CARD8: variants seen among roughly 807,000 people sequenced by gnomAD.
The protein encoded by CARD8 is caspase recruitment domain-containing protein 8.
In CARD8, 38 loss-of-function variants were observed where a neutral mutation model predicts 53.2. The ratio of observed to expected loss-of-function variants is 0.71; its 90% CI spans 0.55 to 0.94. The LOEUF (loss-of-function observed/expected upper bound fraction) is 0.94, where lower values mean the gene tolerates loss of function less well. CARD8 is among the 40% of genes least tolerant of loss of function. The pLI is 0.00. For synonymous variants in CARD8, 245 were observed against 244.9 expected, an observed-to-expected ratio of 1.00 and a Z score of 0.00; for missense variants, 561 against 655.5, an observed-to-expected ratio of 0.86 and a Z score of 1.57.
At chr19:48,227,577 G>A (rs79198501) in intron 10 of CARD8, among the ~76,000 whole-genome samples, 4,864 of 152,050 alleles carry the variant, frequency 0.032, 181 homozygotes, top group African/African-American at 0.087. Flanking sequence ...GGCCAAGGCG[G>A]GCAGATCACA....
At chr19:48,241,546 T>C (rs942376559) in intron 3 of CARD8, among the ~76,000 whole-genome samples, 2 of 152,214 alleles carry the variant, frequency 1.3e-5, no homozygotes, top group East Asian at 3.9e-4. Context: ...TGAGCCACCG[T>C]GCCCTGCCGG....
At chr19:48,230,729 C>T (rs767205602) in intron 9 of CARD8, 29 bp from the exon 10 acceptor site, 7 of 1,612,684 alleles carry the variant, frequency 4.3e-6, no homozygotes, top group Middle Eastern at 1.7e-4. Context: ...AGCAGTGAGA[C>T]GGCACGCACC....
At chr19:48,238,646 T>C in intron 4 of CARD8, 114 bp from the exon 5 acceptor site, 2 of 947,192 alleles carry the variant, frequency 2.1e-6, no homozygotes, top group South Asian at 3.3e-5. Flanking sequence ...ATATCCATCC[T>C]TAGACATGCC....
Position 48,218,249 on chromosome 19 carries a change from T to C in CARD8, c.1303+622A>G, listed in dbSNP as rs73572967. Among the ~76,000 whole-genome samples, 879 of 152,226 alleles carry C rather than the reference T, an allele frequency of 5.8e-3. 11 individuals carry two copies. The highest frequency in any genetic ancestry group is 0.02 in the African/African-American group (845 of 41,532). On this transcript the variant is annotated intron_variant, in intron 12 of 13. Transcript: ENST00000651546. The stretch of plus-strand genomic sequence containing the variant: ...AGTTCTGGGATACATGTGGAGGACA[T>C]GCAGGTTTGTTACAAAGGTAAACAT...
In CARD8 at chr19:48,238,422, CCA is replaced by C. The variant is rs1270414467; in HGVS notation, c.168_169del (p.Gly57AsnfsTer6). 3.0e-5 allele frequency: 46 copies of C among 1,536,114 alleles called. No individual in the cohort carries two copies. The highest frequency in any genetic ancestry group is 3.8e-5 in the Non-Finnish European group (44 of 1,146,902). ...ACAGGCCTCAGCCTGAAAAAAAATT[CCA>C]GTTTTTGTGTATTGCAGTTCCCGTA... On this transcript the variant is annotated frameshift_variant, in exon 5 of 14. Transcript: ENST00000651546. LOFTEE classifies it high-confidence loss of function.
chr19:48,227,421 G>A lies in CARD8; in HGVS notation c.1035+3017C>T, dbSNP rs548801794. 3.3e-5 allele frequency among the ~76,000 whole-genome samples: 5 copies of A among 152,216 alleles called. No individual in the cohort carries two copies. In the South Asian group the frequency reaches 1.0e-3, roughly 32 times the overall value. Reference sequence around the variant, plus strand: ...GTCAGTGAAGACAGAAAAGAGAAAGGAGAGTCCAAGATTCAGCCCTGGAAA... The same window carrying A: ...GTCAGTGAAGACAGAAAAGAGAAAGAAGAGTCCAAGATTCAGCCCTGGAAA... On this transcript the variant is annotated intron_variant, in intron 10 of 13. Coordinates refer to ENST00000651546, the MANE Select transcript of CARD8 (RefSeq NM_001184900.3).
At chr19:48,215,041 C>T (rs1166626136) in intron 13 of CARD8, 2 of 216,242 alleles carry the variant, frequency 9.2e-6, no homozygotes, top group African/African-American at 2.3e-5. Context: ...CCACCTGCCT[C>T]GGCCTCCCAG....
intron 10 of CARD8, among the ~76,000 whole-genome samples, chr19:48,226,595 G>T (rs768472396): frequency 6.6e-6 from 1 of 152,098 alleles, no homozygotes; most frequent in African/African-American, 2.4e-5. Flanking sequence ...TGTAATGGGG[G>T]TATTACTTAT....
intron 13 of CARD8, among the ~76,000 whole-genome samples, chr19:48,213,521 G>A (rs1391203590): frequency 6.6e-6 from 1 of 152,090 alleles, no homozygotes; most frequent in South Asian, 2.1e-4. Context: ...TCACAGGCAT[G>A]TGCCACCACG....
At chr19:48,206,501 T>C, downstream of CARD8, 1 of 461,716 alleles carries the variant, frequency 2.2e-6, no homozygotes, top group Non-Finnish European at 4.4e-6. Context: ...TTGGGCAGCA[T>C]CCAGGCCACA....
chr19:48,245,210 G>T (rs147435991), intron 3 of CARD8, among the ~76,000 whole-genome samples: 5 of 152,182 alleles, frequency 3.3e-5, no homozygotes, highest in African/African-American at 1.2e-4. Context: ...GTTAGAGAAA[G>T]AATCTTTTTT....
chr19:48,229,672 A>T (rs1026782450), intron 10 of CARD8, among the ~76,000 whole-genome samples: 1 of 152,212 alleles, frequency 6.6e-6, no homozygotes, highest in Non-Finnish European at 1.5e-5. Flanking sequence ...AGCAACCAGC[A>T]CGTCTGCTTC....
chr19:48,242,061 T>C lies in CARD8; in HGVS notation c.-43-998A>G, dbSNP rs552530084. On this transcript the variant is annotated intron_variant, in intron 3 of 13. Coordinates refer to ENST00000651546, the MANE Select transcript of CARD8 (RefSeq NM_001184900.3). ...TCTGTCTCCATAGGTTGACTCATTC[T>C]GGACATTTGATTTAATAGGAGTTGT... Among the ~76,000 whole-genome samples, 5 of 152,172 alleles carry C rather than the reference T, an allele frequency of 3.3e-5. No homozygotes were observed. In the South Asian group the frequency reaches 1.0e-3, roughly 32 times the overall value.
intron 1 of CARD8, 25 bp downstream of exon 1, chr19:48,255,767 G>C (rs1967188830): frequency 6.6e-6 from 1 of 152,260 alleles, no homozygotes; most frequent in South Asian, 2.1e-4. Flanking sequence ...TCTCCTTCCT[G>C]TACACTAGGG....
intron 4 of CARD8, among the ~76,000 whole-genome samples, chr19:48,239,303 T>A (rs1053394820): frequency 6.6e-6 from 1 of 152,124 alleles, no homozygotes; most frequent in African/African-American, 2.4e-5. Flanking sequence ...CTTTCTAATT[T>A]GTAAAATAAG....
At chr19:48,206,117 C>T (rs1477708596), downstream of CARD8, among the ~76,000 whole-genome samples, 2 of 151,832 alleles carry the variant, frequency 1.3e-5, no homozygotes, top group Admixed American at 6.6e-5. Flanking sequence ...AGGCTGGTCT[C>T]GAACTCCTAA....
Position 48,210,638 on chromosome 19 carries a change from G to T in CARD8, c.*1072C>A, listed in dbSNP as rs2037822968. 2 of 152,082 alleles carry T rather than the reference G, an allele frequency of 1.3e-5. No individual in the cohort carries two copies. Among genetic ancestry groups the T allele is most frequent in the African/African-American group, 4.8e-5 (2 of 41,412 alleles). The allele number at this position is 152,082 out of a possible 1,614,324, so 9.4% of individuals were successfully genotyped here. A position where few individuals can be genotyped will look rare whatever the true frequency, so the allele number is the denominator to read the frequency against. ...AAGTGGTACAAATGTGATAACAGTA[G>T]AATAGAAAAGACATAACAAACTGGC... is the stretch of plus-strand genomic sequence containing the variant. On this transcript the variant is annotated 3_prime_UTR_variant, in exon 14 of 14. Transcript: ENST00000651546.
chr19:48,222,957 T>C (rs1176407493), intron 10 of CARD8, among the ~76,000 whole-genome samples: 4 of 152,158 alleles, frequency 2.6e-5, no homozygotes, highest in African/African-American at 9.7e-5. Context: ...GTGCTGCATA[T>C]GTGAGTGTGT....
rs375462627 is a variant in CARD8 at position 48,247,144 on chromosome 19, T to C, written c.-44+2379A>G. Among the ~76,000 whole-genome samples the C allele has an allele frequency of 1.1e-4, 16 of 152,140 alleles. No homozygotes were observed. The East Asian group carries it at 2.5e-3, about 24-fold the overall frequency. On this transcript the variant is annotated intron_variant, in intron 3 of 13. Coordinates refer to ENST00000651546, the MANE Select transcript of CARD8 (RefSeq NM_001184900.3). ...TTCGAGACCAGCCTGGCCAACAAGG[T>C]GAAACCCCGTCTCTACGAAAAATAC... is the stretch of plus-strand genomic sequence containing the variant.
Sources: gnomAD v4.1 joint callset for allele counts (sites outside exome capture counted in the v4.1 genomes callset) on GRCh38, gnomAD v4.1.1 for gene constraint, MANE v1.5 for transcripts, NCBI Gene and HGNC (gene_info 2026-07-23, HGNC 2026-07-21) for gene names.